The following SLC75A1 variants were observed in gnomAD, a reference collection of about 807,000 sequenced individuals.
The protein encoded by SLC75A1 is solute carrier family 75 member 1.
At chr4:2,934,517 T>C in the SLC75A1 span, 1 of 35,634 alleles carries the variant, frequency 2.8e-5, no homozygotes, top group Admixed American at 3.8e-4. Context: ...GCGTCCCCGG[T>C]CCCGTCCCCC....
At chr4:2,932,669 T>C in the SLC75A1 span, 1 of 1,611,262 alleles carries the variant, frequency 6.2e-7, no homozygotes, top group Non-Finnish European at 8.5e-7. Context: ...TGACGTTCCC[T>C]TTGCTGATGC....
the SLC75A1 span, chr4:2,932,135 C>G: frequency 6.2e-7 from 1 of 1,608,594 alleles, no homozygotes; most frequent in Non-Finnish European, 8.5e-7. Flanking sequence ...TCACGGAACC[C>G]CAGGGCGATA....
chr4:2,934,703 G>GT, the SLC75A1 span: 1 of 57,966 alleles, frequency 1.7e-5, no homozygotes, highest in Non-Finnish European at 3.3e-5. Context: ...CGCGTCCCCT[G>GT]TCCCACCCCC....
chr4:2,931,482 C>T, the SLC75A1 span: 1 of 1,581,726 alleles, frequency 6.3e-7, no homozygotes, highest in Non-Finnish European at 8.6e-7. Flanking sequence ...GTGGGCACGG[C>T]AGCCTCAGCA....
the SLC75A1 span, chr4:2,933,999 G>A: frequency 6.9e-7 from 1 of 1,457,932 alleles, no homozygotes. Context: ...TCCGGGGCCT[G>A]GCATACCCCC....
At chr4:2,933,333 C>T in the SLC75A1 span, 3 of 1,054,862 alleles carry the variant, frequency 2.8e-6, no homozygotes, top group East Asian at 7.7e-5. Flanking sequence ...CACTCACAGG[C>T]CATGGCCCTT....
the SLC75A1 span, chr4:2,933,780 C>A: frequency 1.2e-4 from 199 of 1,595,934 alleles, no homozygotes; most frequent in Middle Eastern, 2.0e-3. Flanking sequence ...TCTCCAACAG[C>A]CCGGGCAGCA....
At chr4:2,933,097 G>C in the SLC75A1 span, 1 of 1,612,688 alleles carries the variant, frequency 6.2e-7, no homozygotes, top group Non-Finnish European at 8.5e-7. Flanking sequence ...CCCAGGCCCA[G>C]GAACATACCA....
the SLC75A1 span, chr4:2,933,656 A>AG: frequency 1.9e-6 from 3 of 1,613,340 alleles, no homozygotes; most frequent in Non-Finnish European, 2.5e-6. Context: ...GGAGCCATAG[A>AG]GGGGGTCCTA....
chr4:2,932,176 CCTGCAGGAGCGG>C, the SLC75A1 span: 1 of 1,588,140 alleles, frequency 6.3e-7, no homozygotes, highest in Middle Eastern at 1.7e-4. Context: ...CATTGGAGAG[CCTGCAGGAGCGG>C]CTGCTGGCCT....
chr4:2,933,997 C>T, the SLC75A1 span: 10 of 1,459,932 alleles, frequency 6.8e-6, no homozygotes, highest in Non-Finnish European at 9.2e-6. Flanking sequence ...CCTCCGGGGC[C>T]TGGCATACCC....
the SLC75A1 span, chr4:2,933,694 G>C: frequency 6.2e-7 from 1 of 1,612,134 alleles, no homozygotes; most frequent in Non-Finnish European, 8.5e-7. Context: ...ATAAGGGCTG[G>C]GGAGGTCTGA....
the SLC75A1 span, chr4:2,930,573 A>AAAC: frequency 5.6e-4 from 310 of 549,012 alleles, no homozygotes; most frequent in African/African-American, 5.7e-3. Context: ...GGTATAAAAC[A>AAAC]AACAGGTGCT....
chr4:2,933,727 C>T, the SLC75A1 span: 3 of 1,598,238 alleles, frequency 1.9e-6, no homozygotes, highest in East Asian at 4.5e-5. Context: ...GCAGGGGGCA[C>T]TGTGGGCCGC....
chr4:2,933,503 C>T, the SLC75A1 span: 3 of 1,538,916 alleles, frequency 1.9e-6, no homozygotes, highest in Non-Finnish European at 1.8e-6. Flanking sequence ...GGGGCCTGGG[C>T]TGGACCACGT....
At chr4:2,932,653 A>AC in the SLC75A1 span, 1 of 1,612,536 alleles carries the variant, frequency 6.2e-7, no homozygotes, top group Admixed American at 1.7e-5. Context: ...ATGGCCGTGG[A>AC]GAGGCTGACG....
the SLC75A1 span, chr4:2,931,667 G>T: frequency 3.6e-5 from 58 of 1,611,710 alleles, no homozygotes; most frequent in Middle Eastern, 1.6e-4. Context: ...CTGTAGGCTG[G>T]GAGCGGGTGT....
chr4:2,930,897 G>A, the SLC75A1 span: 3 of 1,613,078 alleles, frequency 1.9e-6, no homozygotes, highest in Non-Finnish European at 2.5e-6. Flanking sequence ...AAGAAGGGGA[G>A]CAAAAAGAGC....
the SLC75A1 span, chr4:2,934,283 A>C: frequency 6.4e-6 from 1 of 156,854 alleles, no homozygotes; most frequent in Non-Finnish European, 1.4e-5. Context: ...GGGAACCCGG[A>C]TCCCGATCCC....
Sources: gnomAD v4.1 joint callset for allele counts on GRCh38, gnomAD v4.1.1 for gene constraint, MANE v1.5 for transcripts, NCBI Gene and HGNC (gene_info 2026-07-23, HGNC 2026-07-21) for gene names.